KCNH7: variants seen among roughly 807,000 people sequenced by gnomAD.
The protein encoded by KCNH7 is potassium voltage-gated channel subfamily H member 7.
A neutral mutation model predicts 120.8 loss-of-function variants in KCNH7; 49 were observed. The observed-to-expected ratio is 0.41, with a 90% confidence interval of 0.32 to 0.51. KCNH7 has a LOEUF of 0.51. KCNH7 is among the 20% of genes least tolerant of loss of function. The probability of loss-of-function intolerance (pLI) is 0.38; values close to 1 mark genes in which losing one functional copy is unlikely to be tolerated. For synonymous variants in KCNH7, 547 were observed against 516.1 expected (o/e 1.06, Z -0.81); for missense variants, 1,097 against 1,446.6 (o/e 0.76, Z 3.92).
chr2:162,400,357 G>T lies in KCNH7; in HGVS notation c.2239C>A (p.Arg747=), dbSNP rs199733546. ...CTAAGGCAACCTTTACTTGCCCCCCGAAAGGCTTTGCAGTTTTGCAGCAAT... is the reference window on the plus strand; with the variant it reads ...CTAAGGCAACCTTTACTTGCCCCCCTAAAGGCTTTGCAGTTTTGCAGCAAT... The part of the protein sequence containing the change: ...QTLLQNCKAF[R]GASKGCLRAL... Residue 747 remains arginine (R), a synonymous_variant, in exon 10 of 16, where the codon CGG becomes AGG. Coordinates refer to ENST00000332142, the MANE Select transcript of KCNH7 (RefSeq NM_033272.4). The T allele has an allele frequency of 6.0e-5, 96 of 1,612,446 alleles. No homozygotes were observed. Among genetic ancestry groups the T allele is most frequent in the Non-Finnish European group, 1.7e-6 (2 of 1,178,998 alleles).
intron 3 of KCNH7, among the ~76,000 whole-genome samples, chr2:162,530,627 A>C (rs1042498635): frequency 2.6e-5 from 4 of 152,180 alleles, no homozygotes; most frequent in Middle Eastern, 3.4e-3. Context: ...GTGATACAAA[A>C]GCTGGTAGTT....
intron 6 of KCNH7, among the ~76,000 whole-genome samples, chr2:162,469,940 C>G (rs1039001908): frequency 6.6e-6 from 1 of 152,222 alleles, no homozygotes; most frequent in African/African-American, 2.4e-5. Flanking sequence ...AGCTCCTGAC[C>G]GCGAGTGATC....
intron 2 of KCNH7, among the ~76,000 whole-genome samples, chr2:162,709,303 G>T (rs1159557296): frequency 6.6e-6 from 1 of 152,048 alleles, no homozygotes; most frequent in African/African-American, 2.4e-5. Flanking sequence ...GCTTAAGAAA[G>T]TATAGAACAA....
chr2:162,655,273 A>AAAATAAATT (rs1684708801), intron 2 of KCNH7, among the ~76,000 whole-genome samples: 1 of 152,192 alleles, frequency 6.6e-6, no homozygotes, highest in South Asian at 2.1e-4. Flanking sequence ...TTTATCAATT[A>AAAATAAATT]AAAAATAAAT....
intron 2 of KCNH7, among the ~76,000 whole-genome samples, chr2:162,715,581 T>C (rs995664487): frequency 6.6e-6 from 1 of 152,216 alleles, no homozygotes; most frequent in Non-Finnish European, 1.5e-5. Flanking sequence ...GAGTAAATTA[T>C]CTTGCCCCAT....
chr2:162,401,402 T>A (rs914705889), intron 9 of KCNH7, among the ~76,000 whole-genome samples: 1 of 151,876 alleles, frequency 6.6e-6, no homozygotes, highest in African/African-American at 2.4e-5. Context: ...GGTGGAGGAA[T>A]GGGGCATTAT....
At chr2:162,588,897 C>G (rs1694111417) in intron 2 of KCNH7, among the ~76,000 whole-genome samples, 1 of 151,948 alleles carries the variant, frequency 6.6e-6, no homozygotes, top group Non-Finnish European at 1.5e-5. Context: ...ACCCACCTAC[C>G]CTCTTTCCTC....
At chr2:162,727,425 TA>T (rs1687571021) in intron 2 of KCNH7, among the ~76,000 whole-genome samples, 1 of 152,188 alleles carries the variant, frequency 6.6e-6, no homozygotes. Context: ...AAACTCTACA[TA>T]ATCAATATAA....
chr2:162,500,212 C>T (rs1014887244), intron 6 of KCNH7, among the ~76,000 whole-genome samples: 5 of 146,776 alleles, frequency 3.4e-5, no homozygotes, highest in Non-Finnish European at 6.0e-5. Context: ...ATGTTATATA[C>T]AATATAATAT....
intron 2 of KCNH7, among the ~76,000 whole-genome samples, chr2:162,743,053 T>C (rs1688193071): frequency 6.6e-6 from 1 of 152,162 alleles, no homozygotes. Flanking sequence ...TTCCCTTCTG[T>C]GAGTCTCTCA....
intron 2 of KCNH7, among the ~76,000 whole-genome samples, chr2:162,751,269 A>G (rs1386910073): frequency 6.6e-6 from 1 of 152,238 alleles, no homozygotes; most frequent in Admixed American, 6.5e-5. Flanking sequence ...ATTTTTCACC[A>G]AAGTACTATA....
At chr2:162,659,635 G>A (rs80112510) in intron 2 of KCNH7, among the ~76,000 whole-genome samples, 18,131 of 152,152 alleles carry the variant, frequency 0.12, 1,230 homozygotes, top group East Asian at 0.33. Flanking sequence ...GAGCCACTGC[G>A]CCTGGCCAAT....
At chr2:162,750,717 A>AT (rs1688509465) in intron 2 of KCNH7, among the ~76,000 whole-genome samples, 1 of 152,140 alleles carries the variant, frequency 6.6e-6, no homozygotes, top group Non-Finnish European at 1.5e-5. Context: ...TTTAATTTTC[A>AT]AAAGTATTTA....
At chr2:162,623,472 C>G (rs1315480136) in intron 2 of KCNH7, among the ~76,000 whole-genome samples, 1 of 152,068 alleles carries the variant, frequency 6.6e-6, no homozygotes, top group Non-Finnish European at 1.5e-5. Context: ...CAAAAATAAA[C>G]TCATTTGACT....
chr2:162,752,993 G>GAAAAGAAAAGAAAAGAAAAGAA (rs1688647140), intron 2 of KCNH7, among the ~76,000 whole-genome samples: 1 of 133,894 alleles, frequency 7.5e-6, no homozygotes, highest in African/African-American at 3.3e-5. Flanking sequence ...GAAAAGAAAA[G>GAAAAGAAAAGAAAAGAAAAGAA]AAAAGAAAAG....
At chr2:162,766,961 C>T (rs1682841041) in intron 2 of KCNH7, among the ~76,000 whole-genome samples, 1 of 139,300 alleles carries the variant, frequency 7.2e-6, no homozygotes, top group African/African-American at 3.0e-5. Context: ...GTACATTGTT[C>T]TTTTCTGGCT....
intron 9 of KCNH7, among the ~76,000 whole-genome samples, chr2:162,405,938 T>C (rs922439494): frequency 2.0e-5 from 3 of 151,990 alleles, no homozygotes; most frequent in Non-Finnish European, 2.9e-5. Flanking sequence ...ATTTTTCCTA[T>C]TTTTATATGT....
intron 12 of KCNH7, among the ~76,000 whole-genome samples, chr2:162,389,354 T>C (rs1189743585): frequency 1.3e-5 from 2 of 152,106 alleles, no homozygotes; most frequent in East Asian, 3.9e-4. Context: ...CTTTTGACAT[T>C]GCTAAGGCTA....
rs1203041078 is a variant in KCNH7, at chr2:162,505,381, C to T, written c.914-724G>A. Among the ~76,000 whole-genome samples, 6 of 151,578 alleles carry T rather than the reference C, an allele frequency of 4.0e-5. No individual in the cohort carries two copies. In the South Asian group the frequency reaches 6.2e-4, roughly 16 times the overall value. On this transcript the variant is annotated intron_variant, in intron 5 of 15. Transcript: ENST00000332142. ...AAAAAAAAAAGGCGCTATTAAAAACCGCAAAAGACTAATGCTCTGGCAAAC... is the reference window on the plus strand; with the variant it reads ...AAAAAAAAAAGGCGCTATTAAAAACTGCAAAAGACTAATGCTCTGGCAAAC...
Sources: allele counts gnomAD v4.1 joint callset (sites outside exome capture counted in the v4.1 genomes callset), GRCh38; gene constraint gnomAD v4.1.1; transcripts MANE v1.5; gene names NCBI Gene and HGNC (gene_info 2026-07-23, HGNC 2026-07-21).